RNASE4: variants seen among roughly 807,000 people sequenced by gnomAD.
RNASE4 encodes the protein ribonuclease A family member 4.
For missense variants in RNASE4, 194 were observed against 192.8 expected (o/e 1.01, Z -0.04); for synonymous variants, 93 against 71.4 (o/e 1.30, Z -1.52).
intron 1 of RNASE4, among the ~76,000 whole-genome samples, chr14:20,698,024 T>G (rs1365810421): frequency 6.6e-6 from 1 of 152,128 alleles, no homozygotes; most frequent in Non-Finnish European, 1.5e-5. Context: ...GTCTTTGATA[T>G]CCTGAATATT....
intron 1 of RNASE4, among the ~76,000 whole-genome samples, chr14:20,692,934 G>C (rs901863681): frequency 6.6e-6 from 1 of 151,960 alleles, no homozygotes; most frequent in Admixed American, 6.5e-5. Context: ...TGCAAGCTCC[G>C]CCTCCCGGGT....
intron 1 of RNASE4, among the ~76,000 whole-genome samples, chr14:20,689,874 C>G (rs928317335): frequency 1.3e-5 from 2 of 149,548 alleles, no homozygotes; most frequent in African/African-American, 5.0e-5. Flanking sequence ...CAAGATAGCA[C>G]CACTGCGATC....
intron 1 of RNASE4, among the ~76,000 whole-genome samples, chr14:20,686,039 TAAA>T (rs11378368): frequency 0.4 from 54,606 of 137,716 alleles, 10,381 homozygotes; most frequent in Middle Eastern, 0.5. Context: ...GACTCCGTCT[TAAA>T]AAAAAAAAAA....
At chr14:20,698,181 GC>G (rs1432008277) in intron 1 of RNASE4, among the ~76,000 whole-genome samples, 1 of 151,842 alleles carries the variant, frequency 6.6e-6, no homozygotes, top group Non-Finnish European at 1.5e-5. Context: ...TGCCACTCTG[GC>G]TTTTTTTTTT....
At chr14:20,698,984 A>G (rs1887186416) in intron 1 of RNASE4, 1 of 172,238 alleles carries the variant, frequency 5.8e-6, no homozygotes, top group Non-Finnish European at 1.2e-5. Context: ...AAGATCATAC[A>G]CCTACGGAGT....
At chr14:20,693,509 G>C (rs2139023396) in intron 1 of RNASE4, 2 of 1,605,008 alleles carry the variant, frequency 1.2e-6, no homozygotes, top group South Asian at 1.1e-5. Flanking sequence ...TGGTGATGCT[G>C]TTCTTGGGTC....
intron 1 of RNASE4, among the ~76,000 whole-genome samples, chr14:20,692,605 ACT>A (rs2139018373): frequency 6.6e-6 from 1 of 152,308 alleles, no homozygotes; most frequent in East Asian, 1.9e-4. Context: ...TGAGAATCTA[ACT>A]AATGCTTGAT....
chr14:20,687,393 A>G (rs1425971349), intron 1 of RNASE4, among the ~76,000 whole-genome samples: 1 of 152,244 alleles, frequency 6.6e-6, no homozygotes, highest in Non-Finnish European at 1.5e-5. Context: ...GCCCCACCTC[A>G]GCACTACTGC....
At chr14:20,693,690 A>G in intron 1 of RNASE4, 2 of 1,614,198 alleles carry the variant, frequency 1.2e-6, no homozygotes, top group Non-Finnish European at 1.7e-6. Context: ...ATGCCAAACC[A>G]CAGGGCCGGG....
At chr14:20,695,183 T>A (rs1368292493) in intron 1 of RNASE4, among the ~76,000 whole-genome samples, 1 of 151,980 alleles carries the variant, frequency 6.6e-6, no homozygotes, top group Non-Finnish European at 1.5e-5. Flanking sequence ...GATCACGAGG[T>A]CAAGAGATCA....
Position 20,700,050 on chromosome 14 carries a change from G to T in RNASE4, c.*235G>T. On this transcript the variant is annotated 3_prime_UTR_variant, in exon 2 of 2. Transcript: ENST00000555835. The stretch of plus-strand genomic sequence containing the variant: ...AAGCTTCCTTTTATAATACTGGTCA[G>T]CTTAGCTCTCTCAGATCCTATCCTG... 1.9e-6 allele frequency: 1 copy of T among 537,912 alleles called. No homozygotes were observed. The highest frequency in any genetic ancestry group is 2.6e-5 in the South Asian group (1 of 38,748). The allele number at this position is 537,912 out of a possible 1,614,324, so 33.3% of individuals were successfully genotyped here.
intron 1 of RNASE4, among the ~76,000 whole-genome samples, chr14:20,690,221 C>CAAAAAAAAAAAAAAAAAA (rs36091065): frequency 5.4e-4 from 37 of 67,986 alleles, no homozygotes; most frequent in Non-Finnish European, 6.9e-4. Context: ...GACTCCGTCT[C>CAAAAAAAAAAAAAAAAAA]AAAAAAAAAA....
intron 1 of RNASE4, among the ~76,000 whole-genome samples, chr14:20,688,010 AC>A (rs1886503655): frequency 1.3e-5 from 2 of 152,174 alleles, no homozygotes; most frequent in Admixed American, 1.3e-4. Context: ...GATCCTGGTG[AC>A]CTTTGGCCCA....
At chr14:20,689,001 C>A (rs767809814) in intron 1 of RNASE4, 33 of 386,604 alleles carry the variant, frequency 8.5e-5, no homozygotes, top group Non-Finnish European at 1.1e-4. Context: ...GGATCAGATT[C>A]TAAAGTTTAA....
chr14:20,696,049 T>C (rs969725744), intron 1 of RNASE4, among the ~76,000 whole-genome samples: 3 of 152,234 alleles, frequency 2.0e-5, no homozygotes, highest in African/African-American at 7.2e-5. Context: ...CAACCAGTGC[T>C]ATTTCCTTGA....
chr14:20,693,759 C>T (rs774017767), intron 1 of RNASE4: 1 of 1,614,210 alleles, frequency 6.2e-7, no homozygotes, highest in African/African-American at 1.3e-5. Context: ...CCTGCAAAGA[C>T]ATCAACACAT....
chr14:20,694,201 C>G, intron 1 of RNASE4: 1 of 669,262 alleles, frequency 1.5e-6, no homozygotes, highest in South Asian at 1.9e-5. Flanking sequence ...AGTCTTCTCA[C>G]TGATTCTGGG....
rs1168295258 is a variant in RNASE4 at position 20,684,678 on chromosome 14, AC to A, written c.-97del. The A allele has an allele frequency of 2.0e-5, 3 of 152,314 alleles. No homozygotes were observed. The highest frequency in any genetic ancestry group is 7.2e-5 in the African/African-American group (3 of 41,438). 9.4% of individuals were successfully genotyped at this position (152,314 alleles called of 1,614,324 possible). On this transcript the variant is annotated 5_prime_UTR_variant, in exon 1 of 2. The change abolishes the stop of an existing upstream ORF in the 5' untranslated region. Coordinates refer to ENST00000555835, the MANE Select transcript of RNASE4 (RefSeq NM_002937.5). ...TTTTCTACCGGCTCCCCATCATCGTACTAGGGAGGAAGAAGCGGGTGAGAAA... is the reference window on the plus strand; with the variant it reads ...TTTTCTACCGGCTCCCCATCATCGTATAGGGAGGAAGAAGCGGGTGAGAAA...
chr14:20,699,167 T>C (rs1295297819), intron 1 of RNASE4, 188 bp from the exon 2 acceptor site: 1 of 566,314 alleles, frequency 1.8e-6, no homozygotes, highest in African/African-American at 1.9e-5. Context: ...GAAAAGATCA[T>C]GTTTGCAAAC....
Sources: gnomAD v4.1 joint callset for allele counts (sites outside exome capture counted in the v4.1 genomes callset) on GRCh38, gnomAD v4.1.1 for gene constraint, MANE v1.5 for transcripts, NCBI Gene and HGNC (gene_info 2026-07-23, HGNC 2026-07-21) for gene names.